Variants in AKAP6 observed in about 807,000 individuals in gnomAD.
AKAP6 encodes A-kinase anchoring protein 6.
AKAP6 carries 58 observed loss-of-function variants against 188.5 expected under a neutral mutation model. That is an observed-to-expected ratio of 0.31 (90% confidence interval 0.25 to 0.38). The LOEUF is 0.38. Among genes scored for constraint, AKAP6 ranks in the 10% least tolerant of loss-of-function variants. AKAP6 has a pLI of 1.00. For missense variants in AKAP6, 2,710 were observed against 2,740.0 expected, an observed-to-expected ratio of 0.99 and a Z score of 0.24; for synonymous variants, 989 against 998.6, an observed-to-expected ratio of 0.99 and a Z score of 0.18.
chr14:32,768,495 A>C (rs2032786638), intron 11 of AKAP6, among the ~76,000 whole-genome samples: 1 of 152,242 alleles, frequency 6.6e-6, no homozygotes, highest in Admixed American at 6.5e-5. Flanking sequence ...TCATCAAGAA[A>C]ATACTAGTAA....
chr14:32,509,692 T>C (rs1594691115), intron 2 of AKAP6, among the ~76,000 whole-genome samples: 1 of 152,106 alleles, frequency 6.6e-6, no homozygotes, highest in Non-Finnish European at 1.5e-5. Context: ...AGATAGGAGG[T>C]GGCTCCAGGA....
At chr14:32,443,417 A>AAC (rs1566505741) in intron 2 of AKAP6, among the ~76,000 whole-genome samples, 16 of 151,426 alleles carry the variant, frequency 1.1e-4, no homozygotes, top group African/African-American at 3.6e-4. Context: ...CAAAAAAAAA[A>AAC]CAAAAAAACA....
chr14:32,449,659 A>G (rs1890873317), intron 2 of AKAP6, among the ~76,000 whole-genome samples: 1 of 152,282 alleles, frequency 6.6e-6, no homozygotes, highest in Non-Finnish European at 1.5e-5. Context: ...ATCAACTGCC[A>G]GTTTTTACTT....
At chr14:32,502,673 T>C (rs1880663511) in intron 2 of AKAP6, among the ~76,000 whole-genome samples, 1 of 152,140 alleles carries the variant, frequency 6.6e-6, no homozygotes, top group Non-Finnish European at 1.5e-5. Flanking sequence ...AATGTGAATA[T>C]ATATTCTTAG....
intron 2 of AKAP6, among the ~76,000 whole-genome samples, chr14:32,521,893 C>G (rs1015799344): frequency 1.9e-4 from 29 of 152,160 alleles, no homozygotes; most frequent in Admixed American, 2.6e-4. Flanking sequence ...CAATCCTAAG[C>G]TAAAAGGACA....
chr14:32,485,290 T>C (rs1277019758), intron 2 of AKAP6, among the ~76,000 whole-genome samples: 1 of 151,942 alleles, frequency 6.6e-6, no homozygotes, highest in Non-Finnish European at 1.5e-5. Context: ...CATGTGTCTT[T>C]ATAGTAGAAT....
chr14:32,530,749 TG>T (rs1172540802), intron 2 of AKAP6, among the ~76,000 whole-genome samples: 1 of 152,142 alleles, frequency 6.6e-6, no homozygotes, highest in East Asian at 1.9e-4. Flanking sequence ...CTGGACATAC[TG>T]GTTAAATATA....
chr14:32,736,952 C>T (rs1348977212), intron 11 of AKAP6, among the ~76,000 whole-genome samples: 1 of 152,102 alleles, frequency 6.6e-6, no homozygotes. Context: ...CATTGAAAAC[C>T]TCCTCTTCTG....
At chr14:32,705,283 C>T (rs12431588) in intron 9 of AKAP6, among the ~76,000 whole-genome samples, 13,872 of 151,926 alleles carry the variant, frequency 0.091, 749 homozygotes, top group Admixed American at 0.12. Flanking sequence ...GTGGGGAAGG[C>T]GCAGGAGAAT....
intron 1 of AKAP6, among the ~76,000 whole-genome samples, chr14:32,350,392 T>A (rs1887226188): frequency 6.6e-6 from 1 of 152,126 alleles, no homozygotes. Context: ...CTGGGGACAT[T>A]CTAGGGATAC....
intron 3 of AKAP6, among the ~76,000 whole-genome samples, chr14:32,540,940 A>G (rs952466617): frequency 6.6e-6 from 1 of 152,142 alleles, no homozygotes; most frequent in African/African-American, 2.4e-5. Context: ...TGAGGGATAA[A>G]AGACTACAAA....
At chr14:32,511,081 A>G (rs1379541639) in intron 2 of AKAP6, among the ~76,000 whole-genome samples, 1 of 152,320 alleles carries the variant, frequency 6.6e-6, no homozygotes, top group East Asian at 1.9e-4. Context: ...GTGTAAGTGA[A>G]TGGACAAGCA....
intron 2 of AKAP6, among the ~76,000 whole-genome samples, chr14:32,516,513 C>A (rs548624885): frequency 6.6e-6 from 1 of 152,244 alleles, no homozygotes; most frequent in South Asian, 2.1e-4. Context: ...TTATAAATAC[C>A]TGTCCTAGTC....
Position 32,822,974 on chromosome 14 carries a change from C to T in AKAP6, c.5161C>T (p.Arg1721Cys), listed in dbSNP as rs758563777. 1.1e-5 allele frequency: 17 copies of T among 1,613,818 alleles called. No individual in the cohort carries two copies. The highest frequency in any genetic ancestry group is 2.2e-5 in the East Asian group (1 of 44,850). ...GGAATCGAATGCATCGTTCAGGAAG[C>T]GTCTGACTCGTTCAGTGGCTGATGA... ...IPESNASFRK[R>C]LTRSVADESD... is the part of the protein sequence containing the mutation. Residue 1721 changes from arginine (R) to cysteine (C), a missense_variant, in exon 13 of 14, where the codon CGT becomes TGT. Physicochemically the swap from Arg to Cys is radical, Grantham distance 180 (BLOSUM62 -3). Around this residue, in one of 2 missense-constraint regions of AKAP6, gnomAD observed 2,473 missense variants for 2,426.1 expected, o/e 1.02. Transcript: ENST00000280979.
chr14:32,694,390 A>G (rs572207493), intron 8 of AKAP6, among the ~76,000 whole-genome samples: 11 of 150,838 alleles, frequency 7.3e-5, no homozygotes, highest in Non-Finnish European at 1.5e-4. Context: ...AGCGTGGTCC[A>G]TGGACCAGCA....
chr14:32,472,483 A>G (rs909884479), intron 2 of AKAP6, among the ~76,000 whole-genome samples: 24 of 152,220 alleles, frequency 1.6e-4, no homozygotes, highest in African/African-American at 4.8e-4. Flanking sequence ...CCCAGAAAAG[A>G]TCATGGTCTT....
intron 5 of AKAP6, among the ~76,000 whole-genome samples, chr14:32,585,106 G>A (rs1050058479): frequency 6.6e-6 from 1 of 151,636 alleles, no homozygotes; most frequent in African/African-American, 2.4e-5. Flanking sequence ...CAGGTCAGCA[G>A]TTTCCCCCTC....
chr14:32,757,351 A>T (rs950958404), intron 11 of AKAP6, among the ~76,000 whole-genome samples: 6 of 152,090 alleles, frequency 3.9e-5, no homozygotes, highest in Non-Finnish European at 8.8e-5. Flanking sequence ...TAGGTTAGAG[A>T]TGATAGGATT....
intron 9 of AKAP6, among the ~76,000 whole-genome samples, chr14:32,717,474 C>G (rs975311696): frequency 6.6e-6 from 1 of 151,822 alleles, no homozygotes; most frequent in Admixed American, 6.6e-5. Flanking sequence ...ATTGTTTTTC[C>G]TATCTGGTGA....
Sources: gnomAD v4.1 joint callset for allele counts (sites outside exome capture counted in the v4.1 genomes callset) on GRCh38, gnomAD v4.1.1 for gene constraint, gnomAD v4.1.1 regional missense constraint, MANE v1.5 for transcripts, NCBI Gene and HGNC (gene_info 2026-07-23, HGNC 2026-07-21) for gene names.